DEDD2: variants seen among roughly 807,000 people sequenced by gnomAD.
DEDD2 encodes the protein DNA-binding death effector domain-containing protein 2.
Under a neutral mutation model 28.9 loss-of-function variants are expected in DEDD2, and 18 were observed. That is an observed-to-expected ratio of 0.62 (90% CI 0.43 to 0.92). The LOEUF is 0.92. Among genes scored for constraint, DEDD2 ranks in the 40% least tolerant of loss-of-function variants. The pLI is 0.00. For missense variants in DEDD2, 411 were observed against 463.3 expected (o/e 0.89, Z 1.04); for synonymous variants, 211 against 206.1 (o/e 1.02, Z -0.20).
chr19:42,205,298 T>C (rs1228347045), intron 4 of DEDD2, among the ~76,000 whole-genome samples: 1 of 152,218 alleles, frequency 6.6e-6, no homozygotes, highest in East Asian at 1.9e-4. Context: ...AGATATTTGA[T>C]AGTAAGGAGT....
At position 42,209,754 on chromosome 19, in the gene DEDD2, G is replaced by C. The variant is rs771045520; in HGVS notation, c.535C>G (p.Pro179Ala). ...RRRRRGAPAAPQQQSEPARPS... is the reference protein window; with the variant it reads ...RRRRRGAPAAAQQQSEPARPS... ...CTGGCGGGCTCTGACTGCTGCTGGGGTGCGGCTGGGGCCCCTCTCCGCCGC... is the reference window on the plus strand; with the variant it reads ...CTGGCGGGCTCTGACTGCTGCTGGGCTGCGGCTGGGGCCCCTCTCCGCCGC... Residue 179 changes from proline to alanine, a missense_variant, in exon 4 of 5, where the codon CCC (proline) becomes GCC (alanine). Pro to Ala is a conservative substitution (Grantham distance 27). Coordinates refer to ENST00000596251, the MANE Select transcript of DEDD2 (RefSeq NM_133328.4). 1 of 1,605,566 alleles carries C rather than the reference G, an allele frequency of 6.2e-7. No individual in the cohort carries two copies.
intron 4 of DEDD2, among the ~76,000 whole-genome samples, chr19:42,207,454 T>A (rs374603926): frequency 9.9e-5 from 15 of 152,212 alleles, no homozygotes; most frequent in Admixed American, 5.9e-4. Flanking sequence ...GCTTCCACAA[T>A]GGCCTCCTCC....
intron 3 of DEDD2, among the ~76,000 whole-genome samples, chr19:42,213,208 T>C (rs1485751657): frequency 6.6e-6 from 1 of 152,104 alleles, no homozygotes; most frequent in Non-Finnish European, 1.5e-5. Context: ...CAGTAAATAG[T>C]GTATGGGTCT....
In DEDD2 at chr19:42,215,228, C is replaced by T. The variant is rs771898478; in HGVS notation, c.353G>A (p.Gly118Asp). The change falls in exon 3 of 5, where the codon GGC (glycine) becomes GAC (aspartate). Residue 118 changes from glycine to aspartate, a missense_variant. Around this residue, in one of 2 missense-constraint regions of DEDD2, gnomAD observed 282 missense variants for 273.4 expected, o/e 1.03. Transcript: ENST00000596251. ...RPVSPERYSY[G>D]TSSSSKRTEG... ...TGTCCTCTTTGAAGAGCTGGAGGTG[C>T]CATAGCTATAGCGTTCTGGAGACAC... 8 of 1,613,654 alleles carry T rather than the reference C, an allele frequency of 5.0e-6. No homozygotes were observed. In the African/African-American group the frequency reaches 1.1e-4, roughly 22 times the overall value.
At position 42,199,930 on chromosome 19, in the gene DEDD2, T is replaced by G; in HGVS notation, c.590-101A>C. 1 of 1,458,220 alleles carries G rather than the reference T, an allele frequency of 6.9e-7. No individual in the cohort carries two copies. Among genetic ancestry groups the G allele is most frequent in the Non-Finnish European group, 9.1e-7 (1 of 1,098,644 alleles). 90.3% of individuals were successfully genotyped at this position (1,458,220 alleles called of 1,614,324 possible). A position where few individuals can be genotyped will look rare whatever the true frequency, so the allele number is the denominator to read the frequency against. On this transcript the variant is annotated intron_variant, in intron 4 of 4. Transcript: ENST00000596251. The surrounding 1 kb of genome is among the most constrained non-coding windows in gnomAD (Gnocchi z 7.4). ...CTCCAGCCTTCTCCCTCCACCCCCT[T>G]CCGGTAGCCACACCCTAGTCCTGAC...
In DEDD2 at chr19:42,212,037, C is replaced by CAATAATAATAATAATAATAAT. The variant is rs57863174; in HGVS notation, c.449-2218_449-2198dup. On this transcript the variant is annotated intron_variant, in intron 3 of 4. Transcript: ENST00000596251. ...GGGCAACAAGAGTGAAACTCTTTCT[C>CAATAATAATAATAATAATAAT]AATAATAATAATAATAATAATAATA... 729 of 144,718 alleles carry CAATAATAATAATAATAATAAT rather than the reference C, an allele frequency of 5.0e-3. 7 individuals carry two copies. The highest frequency in any genetic ancestry group is 0.018 in the African/African-American group (692 of 38,764). 9.0% of individuals were successfully genotyped at this position (144,718 alleles called of 1,614,324 possible). A position where few individuals can be genotyped will look rare whatever the true frequency, so the allele number is the denominator to read the frequency against.
chr19:42,206,472 T>C (rs1387450846), intron 4 of DEDD2, among the ~76,000 whole-genome samples: 1 of 152,152 alleles, frequency 6.6e-6, no homozygotes, highest in Admixed American at 6.5e-5. Flanking sequence ...TATAAATACA[T>C]ATGGAATAAA....
At position 42,216,944 on chromosome 19, in the gene DEDD2, C is replaced by T. The variant is rs780377847; in HGVS notation, c.64G>A (p.Gly22Arg). ...WEEDECLDYY[G>R]MLSLHRMFEV... ...AACATACGGTGAAGCGACAGCATCC[C>T]GTAGTAGTCCAGGCACTCATCCTCC... is the stretch of plus-strand genomic sequence containing the variant. The change falls in exon 2 of 5, where the codon GGG (glycine) becomes AGG (arginine). Residue 22 changes from glycine to arginine, a missense_variant. By Grantham distance (125) the Gly-to-Arg change is moderately radical. Coordinates refer to ENST00000596251, the MANE Select transcript of DEDD2 (RefSeq NM_133328.4). 4 of 1,602,406 alleles carry T rather than the reference C, an allele frequency of 2.5e-6. No individual in the cohort carries two copies. The highest frequency in any genetic ancestry group is 1.3e-5 in the African/African-American group (1 of 74,588).
intron 1 of DEDD2, among the ~76,000 whole-genome samples, 197 bp from the exon 2 acceptor site, chr19:42,217,242 C>T (rs1400776013): frequency 3.3e-5 from 5 of 151,968 alleles, no homozygotes; most frequent in Non-Finnish European, 5.9e-5. Flanking sequence ...CGCCGGAGCC[C>T]GCTCGGCTTC....
chr19:42,201,597 C>T (rs2035333546), intron 4 of DEDD2: 1 of 163,270 alleles, frequency 6.1e-6, no homozygotes, highest in Non-Finnish European at 1.3e-5. Flanking sequence ...TGCTGTGGCT[C>T]CCTTCAACTT....
Position 42,209,776 on chromosome 19 carries a change from C to A in DEDD2, c.513G>T (p.Arg171=), listed in dbSNP as rs1472539830. Reference sequence around the variant, plus strand: ...GGGGTGCGGCTGGGGCCCCTCTCCGCCGCCGTCTGGCACCACCACTGGGCC... The same window carrying A: ...GGGGTGCGGCTGGGGCCCCTCTCCGACGCCGTCTGGCACCACCACTGGGCC... The part of the protein sequence containing the change: ...RGRPSGGARR[R]RRGAPAAPQQ... The change falls in exon 4 of 5, where the codon CGG becomes CGT. Residue 171 remains arginine (R), a synonymous_variant. Transcript: ENST00000596251. The A allele has an allele frequency of 1.3e-6, 2 of 1,597,328 alleles. No individual in the cohort carries two copies. Among genetic ancestry groups the A allele is most frequent in the Non-Finnish European group, 1.7e-6 (2 of 1,172,802 alleles).
chr19:42,206,437 C>T (rs7248379), intron 4 of DEDD2, among the ~76,000 whole-genome samples: 12,112 of 152,248 alleles, frequency 0.08, 674 homozygotes, highest in South Asian at 0.18. Flanking sequence ...CCCACCCCGG[C>T]TGACCTAGCA....
In DEDD2 at chr19:42,199,376, C is replaced by G. The variant is rs563081719; in HGVS notation, c.*62G>C. 6.8e-7 allele frequency: 1 copy of G among 1,478,490 alleles called. No homozygotes were observed. Among genetic ancestry groups the G allele is most frequent in the Non-Finnish European group, 8.9e-7 (1 of 1,120,968 alleles). The allele number at this position is 1,478,490 out of a possible 1,614,324, so 91.6% of individuals were successfully genotyped here. On this transcript the variant is annotated 3_prime_UTR_variant, in exon 5 of 5. Transcript: ENST00000596251. This position sits in a 1 kb window ranked among gnomAD's most constrained non-coding sequence, Gnocchi z 7.4. Reference sequence around the variant, plus strand: ...ACAGTCCTCTAGGGGTAGAGATGGTCGTCCTCCCAGGAGAAGGTGGCCCGG... The same window carrying G: ...ACAGTCCTCTAGGGGTAGAGATGGTGGTCCTCCCAGGAGAAGGTGGCCCGG...
At chr19:42,210,457 A>G (rs2035711724) in intron 3 of DEDD2, among the ~76,000 whole-genome samples, 1 of 152,008 alleles carries the variant, frequency 6.6e-6, no homozygotes, top group South Asian at 2.1e-4. Flanking sequence ...GCAATGGCAC[A>G]ATCTTGGCTC....
At position 42,199,854 on chromosome 19, in the gene DEDD2, A is replaced by T. The variant is rs1307836867; in HGVS notation, c.590-25T>A. 2 of 1,563,162 alleles carry T rather than the reference A, an allele frequency of 1.3e-6. No individual in the cohort carries two copies. Among genetic ancestry groups the T allele is most frequent in the Non-Finnish European group, 1.7e-6 (2 of 1,153,198 alleles). The stretch of plus-strand genomic sequence containing the variant: ...TCTGCAGGGGAAGGAGGGATTTGTC[A>T]GGGAGGGGGCCAACACTAGACACAC... On this transcript the variant is annotated intron_variant, in intron 4 of 4. Transcript: ENST00000596251. The surrounding 1 kb of genome is among the most constrained non-coding windows in gnomAD (Gnocchi z 7.4).
intron 4 of DEDD2, among the ~76,000 whole-genome samples, chr19:42,203,224 A>G (rs950891203): frequency 6.6e-6 from 1 of 152,178 alleles, no homozygotes; most frequent in Non-Finnish European, 1.5e-5. Context: ...CATACACATC[A>G]AATACACAAC....
chr19:42,218,230 GC>G (rs545812210), upstream of DEDD2, among the ~76,000 whole-genome samples: 6 of 140,706 alleles, frequency 4.3e-5, no homozygotes, highest in Admixed American at 4.3e-4. Context: ...TGGAAATCCC[GC>G]CCCCCCACCA....
chr19:42,208,179 T>C (rs1404520542), intron 4 of DEDD2, among the ~76,000 whole-genome samples: 1 of 152,170 alleles, frequency 6.6e-6, no homozygotes, highest in Non-Finnish European at 1.5e-5. Context: ...GTACTACAGT[T>C]GAGGCGGTGC....
chr19:42,219,326 C>T (rs1222643607), upstream of DEDD2, among the ~76,000 whole-genome samples: 2 of 140,128 alleles, frequency 1.4e-5, no homozygotes, highest in East Asian at 4.3e-4. Context: ...CAAGACCGGA[C>T]GCGGTGGTTC....
Sources: allele counts gnomAD v4.1 joint callset (sites outside exome capture counted in the v4.1 genomes callset), GRCh38; gene constraint gnomAD v4.1.1; regional missense constraint gnomAD v4.1.1; non-coding constraint Gnocchi (gnomAD v3.1); transcripts MANE v1.5; gene names NCBI Gene and HGNC (gene_info 2026-07-23, HGNC 2026-07-21).